The following NCAM1 variants were observed in gnomAD, a reference collection of about 807,000 sequenced individuals.
NCAM1 encodes the protein neural cell adhesion molecule 1.
Under a neutral mutation model 109.8 loss-of-function variants are expected in NCAM1, and 14 were observed. That is an observed-to-expected ratio of 0.13 (90% confidence interval 0.08 to 0.20). The LOEUF (loss-of-function observed/expected upper bound fraction) is 0.20. Ranked by LOEUF, NCAM1 falls within the 10% of genes least tolerant of loss-of-function variation. The pLI is 1.00. For missense variants in NCAM1, 774 were observed against 1,109.9 expected, an observed-to-expected ratio of 0.70 and a Z score of 4.30; for synonymous variants, 418 against 442.9, an observed-to-expected ratio of 0.94 and a Z score of 0.70.
chr11:113,071,344 A>T (rs1056885960), intron 1 of NCAM1, among the ~76,000 whole-genome samples: 1 of 152,220 alleles, frequency 6.6e-6, no homozygotes. Context: ...TCAAGTGAAT[A>T]ACATGATATT....
chr11:113,249,424 G>A (rs1359647326), intron 15 of NCAM1, among the ~76,000 whole-genome samples: 3 of 151,912 alleles, frequency 2.0e-5, no homozygotes, highest in Admixed American at 2.0e-4. Flanking sequence ...CCCGAATCCT[G>A]TGGGCAGGGA....
intron 1 of NCAM1, among the ~76,000 whole-genome samples, chr11:113,187,563 C>G (rs144256922): frequency 2.7e-5 from 4 of 147,136 alleles, no homozygotes; most frequent in African/African-American, 7.5e-5. Context: ...GTGTGTGTTT[C>G]TGTGTGTGTG....
At chr11:113,010,007 C>T (rs1246111432) in intron 1 of NCAM1, among the ~76,000 whole-genome samples, 4 of 149,074 alleles carry the variant, frequency 2.7e-5, no homozygotes, top group African/African-American at 9.9e-5. Context: ...CTTTCTTTGA[C>T]TTAGGAAATT....
Position 113,042,176 on chromosome 11 carries a change from T to C in NCAM1, c.52+80512T>C, listed in dbSNP as rs532409574. On this transcript the variant is annotated intron_variant, in intron 1 of 19. Transcript: ENST00000316851. Reference sequence around the variant, plus strand: ...CTGCAGACATCACAGGGCTTCCTTGTGCCTGAGAGGGACAGAGAATATCCC... The same window carrying C: ...CTGCAGACATCACAGGGCTTCCTTGCGCCTGAGAGGGACAGAGAATATCCC... Among the ~76,000 whole-genome samples, 15 of 152,304 alleles carry C rather than the reference T, an allele frequency of 9.8e-5. No individual in the cohort carries two copies. The South Asian group carries it at 3.1e-3, about 32-fold the overall frequency.
intron 1 of NCAM1, among the ~76,000 whole-genome samples, chr11:113,081,133 A>G (rs782311795): frequency 1.1e-4 from 17 of 152,198 alleles, no homozygotes; most frequent in Admixed American, 1.3e-4. Context: ...ATGATTCCTG[A>G]TAAACATTGG....
chr11:113,241,467 C>T (rs977577152), intron 14 of NCAM1, among the ~76,000 whole-genome samples: 2 of 152,156 alleles, frequency 1.3e-5, no homozygotes, highest in South Asian at 2.1e-4. Flanking sequence ...TAGTCACCCA[C>T]GTCCCGCCAC....
At chr11:113,186,794 C>CT (rs1199706223) in intron 1 of NCAM1, among the ~76,000 whole-genome samples, 1 of 152,220 alleles carries the variant, frequency 6.6e-6, no homozygotes, top group African/African-American at 2.4e-5. Flanking sequence ...GCAATAGCCT[C>CT]TGAGTTCAGA....
chr11:113,258,320 T>C (rs1304240843), intron 16 of NCAM1, among the ~76,000 whole-genome samples: 1 of 152,228 alleles, frequency 6.6e-6, no homozygotes, highest in Non-Finnish European at 1.5e-5. Context: ...TACCTAATTA[T>C]TGTTCTTTGT....
At chr11:113,076,502 A>G (rs1240091055) in intron 1 of NCAM1, among the ~76,000 whole-genome samples, 2 of 152,256 alleles carry the variant, frequency 1.3e-5, no homozygotes, top group Admixed American at 6.5e-5. Flanking sequence ...TGCACAGATT[A>G]TGAGCATTTC....
At chr11:113,169,543 CAGTT>C (rs1322107540) in intron 1 of NCAM1, among the ~76,000 whole-genome samples, 2 of 151,724 alleles carry the variant, frequency 1.3e-5, no homozygotes, top group African/African-American at 4.8e-5. Context: ...TGTAAGATGA[CAGTT>C]GGTTCTATGA....
At chr11:113,185,077 T>TAG (rs1160688701) in intron 1 of NCAM1, among the ~76,000 whole-genome samples, 5 of 114,912 alleles carry the variant, frequency 4.4e-5, no homozygotes, top group African/African-American at 1.8e-4. Flanking sequence ...TTTATATATA[T>TAG]ATAGAGAGAG....
At chr11:113,212,198 G>C (rs929566357) in intron 7 of NCAM1, among the ~76,000 whole-genome samples, 15 of 152,252 alleles carry the variant, frequency 9.9e-5, no homozygotes, top group African/African-American at 3.1e-4. Context: ...GCATATCACT[G>C]TCTTGTTCTA....
chr11:113,086,060 C>T (rs906852490), intron 1 of NCAM1, among the ~76,000 whole-genome samples: 2 of 152,214 alleles, frequency 1.3e-5, no homozygotes, highest in Non-Finnish European at 1.5e-5. Flanking sequence ...TGACTTCAGA[C>T]CAATTTGCTT....
intron 1 of NCAM1, among the ~76,000 whole-genome samples, chr11:112,971,260 C>T (rs933485711): frequency 2.4e-4 from 37 of 152,138 alleles, no homozygotes; most frequent in African/African-American, 8.7e-4. Context: ...CTGTCTCTCT[C>T]TCTCTCTCTC....
chr11:113,138,172 C>T (rs1555099813), intron 1 of NCAM1, among the ~76,000 whole-genome samples: 1 of 152,200 alleles, frequency 6.6e-6, no homozygotes, highest in African/African-American at 2.4e-5. Flanking sequence ...AATATAAAAT[C>T]GACCATGGAT....
rs1591445910 is a variant in NCAM1 at position 113,236,387 on chromosome 11, G to A, written c.1825+1223G>A. The A allele has an allele frequency of 5.8e-6, 9 of 1,542,230 alleles. No homozygotes were observed. In the East Asian group the frequency reaches 1.8e-4, roughly 31 times the overall value. On this transcript the variant is annotated intron_variant, in intron 14 of 19. Transcript: ENST00000316851. ...TCTGCTAGTTCTAGTTCGTAATTTA[G>A]TTCTGGTCCCTTTTTTGTCCCCTAG...
rs182263240 is a variant in NCAM1 at position 113,088,348 on chromosome 11, G to A, written c.53-114031G>A. On this transcript the variant is annotated intron_variant, in intron 1 of 19. Transcript: ENST00000316851. ...TCGGGCTAATGCAAGCTAATCAATA[G>A]AATTTTACTATCCTTAGAAGACACT... 2.0e-3 allele frequency among the ~76,000 whole-genome samples: 302 copies of A among 152,262 alleles called. 4 individuals carry two copies. Among genetic ancestry groups the A allele is most frequent in the Non-Finnish European group, 2.8e-3 (192 of 68,032 alleles).
At position 113,221,650 on chromosome 11, in the gene NCAM1, T is replaced by C. The variant is rs572932424; in HGVS notation, c.1089+325T>C. 6.6e-4 allele frequency: 183 copies of C among 277,676 alleles called. 1 individual carries two copies. Among genetic ancestry groups the C allele is most frequent in the Non-Finnish European group, 8.8e-4 (128 of 144,746 alleles). 17.2% of individuals were successfully genotyped at this position (277,676 alleles called of 1,614,324 possible). ...GCCAGGCATTTTGAAATGGTGAAAG[T>C]TTTTTGACTCACATGGTTGATGTGG... is the stretch of plus-strand genomic sequence containing the variant. On this transcript the variant is annotated intron_variant, in intron 9 of 19. Coordinates refer to ENST00000316851, the MANE Select transcript of NCAM1 (RefSeq NM_181351.5).
chr11:113,044,461 G>A (rs1259954507), intron 1 of NCAM1, among the ~76,000 whole-genome samples: 2 of 152,048 alleles, frequency 1.3e-5, no homozygotes, highest in South Asian at 2.1e-4. Context: ...GAGGCGGGCC[G>A]ATCACTTGAG....
Sources: gnomAD v4.1 joint callset for allele counts (sites outside exome capture counted in the v4.1 genomes callset) on GRCh38, gnomAD v4.1.1 for gene constraint, MANE v1.5 for transcripts, NCBI Gene and HGNC (gene_info 2026-07-23, HGNC 2026-07-21) for gene names.